The following BCORL1 variants were observed in gnomAD, a reference collection of about 807,000 sequenced individuals.
BCORL1 encodes BCL6 corepressor like 1.
In BCORL1, 7 loss-of-function variants were observed where a neutral mutation model predicts 87.6. That is an observed-to-expected ratio of 0.08 (90% CI 0.05 to 0.15). BCORL1 has a LOEUF of 0.15. BCORL1 is among the 10% of genes least tolerant of loss of function. The pLI, the probability that BCORL1 is intolerant of heterozygous loss-of-function variation, is 1.00. For synonymous variants in BCORL1, 591 were observed against 634.4 expected (o/e 0.93, Z 1.03); for missense variants, 1,215 against 1,499.7 (o/e 0.81, Z 3.13).
At position 130,021,159 on chromosome X, in the gene BCORL1, C is replaced by T. The variant is rs765675836; in HGVS notation, c.3607+9C>T. Reference sequence around the variant, plus strand: ...CGACAGCCACGAGGAAGGTAGGCCCCGCGGCCCTGGCCCTCTGGGCTGGGC... The same window carrying T: ...CGACAGCCACGAGGAAGGTAGGCCCTGCGGCCCTGGCCCTCTGGGCTGGGC... On this transcript the variant is annotated intron_variant, in intron 5 of 13. Transcript: ENST00000540052. 10 of 1,195,953 alleles carry T rather than the reference C, an allele frequency of 8.4e-6. No homozygotes were observed. The highest frequency in any genetic ancestry group is 4.9e-4 in the Middle Eastern group (2 of 4,068).
At chrX:129,984,322 C>A (rs1603052168) in intron 1 of BCORL1, among the ~76,000 whole-genome samples, 1 of 70,031 alleles carries the variant, frequency 1.4e-5, no homozygotes, top group East Asian at 5.2e-4. Flanking sequence ...GGGAGGGGGC[C>A]GTCCTGGGGG....
At chrX:130,004,544 C>G in intron 1 of BCORL1, among the ~76,000 whole-genome samples, 1 of 111,966 alleles carries the variant, frequency 8.9e-6, no homozygotes, top group East Asian at 2.8e-4. Flanking sequence ...CGCGCCCTGC[C>G]GAAACACGTA....
intron 11 of BCORL1, among the ~76,000 whole-genome samples, chrX:130,040,747 G>A (rs1931256488): frequency 3.6e-5 from 4 of 112,215 alleles, no homozygotes; most frequent in Admixed American, 9.5e-5. Context: ...GTTGGTAGCT[G>A]CCTCCCACGT....
intron 1 of BCORL1, among the ~76,000 whole-genome samples, chrX:129,984,961 G>A (rs969650803): frequency 1.8e-5 from 2 of 111,752 alleles, no homozygotes. Context: ...CTAGCCCAGG[G>A]TTTAGAGGCT....
intron 1 of BCORL1, among the ~76,000 whole-genome samples, chrX:129,988,888 G>A (rs1307232573): frequency 9.0e-6 from 1 of 111,711 alleles, no homozygotes; most frequent in African/African-American, 3.3e-5. Context: ...GAAGTGCACC[G>A]TATATGACTA....
intron 1 of BCORL1, among the ~76,000 whole-genome samples, chrX:129,985,311 G>C (rs938262155): frequency 8.9e-6 from 1 of 111,850 alleles, no homozygotes; most frequent in African/African-American, 3.3e-5. Flanking sequence ...TCCTGTCCTT[G>C]AATGTTGGAA....
intron 1 of BCORL1, among the ~76,000 whole-genome samples, chrX:129,999,278 A>G (rs1603080983): frequency 1.5e-5 from 1 of 67,173 alleles, no homozygotes; most frequent in Non-Finnish European, 2.9e-5. Context: ...TAAAACTTGT[A>G]CTTTGTGTTG....
Position 130,014,243 on chromosome X carries a change from C to T in BCORL1, c.1471C>T (p.Pro491Ser). ...LPSYLQDRCL[P>S]GVLASPELRS... ...GTCCTACCTGCAGGACAGGTGTCTC[C>T]CAGGCGTGCTAGCCTCCCCCGAGCT... Residue 491 changes from proline to serine, a missense_variant, in exon 4 of 14, where the codon CCA becomes TCA. Physicochemically the swap from Pro to Ser is moderately conservative, Grantham distance 74. This residue lies in a region of BCORL1 where 861 missense variants were observed against 1,010.0 expected (regional missense o/e 0.85). Coordinates refer to ENST00000540052, the MANE Select transcript of BCORL1 (RefSeq NM_001379451.1). 8.3e-7 allele frequency: 1 copy of T among 1,211,125 alleles called. No individual in the cohort carries two copies. Among genetic ancestry groups the T allele is most frequent in the Non-Finnish European group, 1.1e-6 (1 of 895,318 alleles).
Position 130,024,994 on chromosome X carries a change from C to T in BCORL1, c.3693C>T (p.Ser1231=). The change falls in exon 7 of 14, where the codon AGC becomes AGT. Residue 1231 remains serine, a synonymous_variant. Coordinates refer to ENST00000540052, the MANE Select transcript of BCORL1 (RefSeq NM_001379451.1). ...LSTRTRSQSG[S]ICSSFAGMAD... ...CTCTGTACATCCCATCCACAGGAAGCATCTGTAGCTCCTTTGCTGGCATGG... is the reference window on the plus strand; with the variant it reads ...CTCTGTACATCCCATCCACAGGAAGTATCTGTAGCTCCTTTGCTGGCATGG... 1 of 1,210,346 alleles carries T rather than the reference C, an allele frequency of 8.3e-7. No individual in the cohort carries two copies. The highest frequency in any genetic ancestry group is 1.8e-5 in the South Asian group (1 of 56,748).
At chrX:130,017,651 T>G (rs779194370) in intron 4 of BCORL1, among the ~76,000 whole-genome samples, 1 of 109,222 alleles carries the variant, frequency 9.2e-6, no homozygotes, top group Non-Finnish European at 1.9e-5. Flanking sequence ...TTTTTGTTTT[T>G]TTTTTTTTGA....
chrX:130,025,490 T>G, intron 7 of BCORL1, 111 bp downstream of exon 7: 1 of 733,491 alleles, frequency 1.4e-6, no homozygotes, highest in Non-Finnish European at 2.0e-6. Context: ...CCCGGTGCTA[T>G]GATCTCCAGC....
At chrX:130,027,134 C>A (rs992618402) in intron 7 of BCORL1, among the ~76,000 whole-genome samples, 2 of 112,945 alleles carry the variant, frequency 1.8e-5, no homozygotes, top group Non-Finnish European at 3.7e-5. Context: ...CCTGCCCTGC[C>A]CTGGGTAAAC....
At chrX:130,041,412 C>A (rs1394994500) in intron 11 of BCORL1, among the ~76,000 whole-genome samples, 1 of 111,301 alleles carries the variant, frequency 9.0e-6, no homozygotes, top group African/African-American at 3.3e-5. Flanking sequence ...TGGCTCACTG[C>A]AACCTCTGCC....
intron 4 of BCORL1, among the ~76,000 whole-genome samples, chrX:130,019,983 G>A (rs1385835076): frequency 1.8e-5 from 2 of 112,338 alleles, no homozygotes; most frequent in Non-Finnish European, 3.8e-5. Context: ...CACAGCCATT[G>A]TGCCTCTTAG....
intron 10 of BCORL1, among the ~76,000 whole-genome samples, 178 bp from the exon 11 acceptor site, chrX:130,038,959 G>A (rs1388663309): frequency 9.0e-6 from 1 of 111,676 alleles, no homozygotes; most frequent in African/African-American, 3.3e-5. Context: ...GAGTTGGGGA[G>A]ATGGTAGTGG....
At chrX:130,053,379 T>G (rs950750713) in intron 13 of BCORL1, among the ~76,000 whole-genome samples, 1 of 110,475 alleles carries the variant, frequency 9.1e-6, no homozygotes, top group African/African-American at 3.3e-5. Flanking sequence ...CAGGGGCTTT[T>G]GGTCCTTATT....
chrX:130,022,236 CTTTTTT>C (rs34598574), intron 5 of BCORL1, among the ~76,000 whole-genome samples: 85 of 56,287 alleles, frequency 1.5e-3, no homozygotes, highest in Non-Finnish European at 1.6e-3. Context: ...TTCTTTCTTT[CTTTTTT>C]TTTTTTTTTT....
At chrX:130,048,349 G>A (rs766851623) in intron 11 of BCORL1, among the ~76,000 whole-genome samples, 3 of 111,891 alleles carry the variant, frequency 2.7e-5, no homozygotes, top group Non-Finnish European at 5.6e-5. Flanking sequence ...GTGCCCTTTG[G>A]ACTGTCTCCT....
Position 130,039,122 on chromosome X carries a change from G to A in BCORL1, c.4695-15G>A. 1 of 1,210,566 alleles carries A rather than the reference G, an allele frequency of 8.3e-7. No individual in the cohort carries two copies. Among genetic ancestry groups the A allele is most frequent in the Non-Finnish European group, 1.1e-6 (1 of 894,860 alleles). On this transcript the variant is annotated splice_polypyrimidine_tract_variant and intron_variant, in intron 10 of 13. Coordinates refer to ENST00000540052, the MANE Select transcript of BCORL1 (RefSeq NM_001379451.1). Reference sequence around the variant, plus strand: ...ACTTGGGCCCTGTTATCCTCACCCTGTATCACCTCCACAGGCCAGTTCATG... The same window carrying A: ...ACTTGGGCCCTGTTATCCTCACCCTATATCACCTCCACAGGCCAGTTCATG...
Sources: gnomAD v4.1 joint callset for allele counts (sites outside exome capture counted in the v4.1 genomes callset) on GRCh38, gnomAD v4.1.1 for gene constraint, gnomAD v4.1.1 regional missense constraint, MANE v1.5 for transcripts, NCBI Gene and HGNC (gene_info 2026-07-23, HGNC 2026-07-21) for gene names.